SCD5: variants seen among roughly 807,000 people sequenced by gnomAD.
SCD5 encodes the protein acyl-CoA-desaturase 4.
In SCD5, 20 loss-of-function variants were observed where a neutral mutation model predicts 30.4. The observed-to-expected ratio is 0.66, with a 90% CI of 0.46 to 0.96. The LOEUF (loss-of-function observed/expected upper bound fraction) is 0.96. Ranked by LOEUF, SCD5 falls within the 40% of genes least tolerant of loss-of-function variation. The pLI is 0.00. For missense variants in SCD5, 381 were observed against 443.3 expected, an observed-to-expected ratio of 0.86 and a Z score of 1.26; for synonymous variants, 173 against 176.4, an observed-to-expected ratio of 0.98 and a Z score of 0.16.
chr4:82,721,909 T>C (rs1359283202), intron 1 of SCD5, among the ~76,000 whole-genome samples: 1 of 152,230 alleles, frequency 6.6e-6, no homozygotes, highest in Non-Finnish European at 1.5e-5. Context: ...GAAAATAGAA[T>C]CTTACAACGG....
chr4:82,721,376 T>C (rs1460547459), intron 1 of SCD5, among the ~76,000 whole-genome samples: 3 of 152,110 alleles, frequency 2.0e-5, no homozygotes, highest in African/African-American at 7.2e-5. Flanking sequence ...CAGAATCTGT[T>C]TCACAGAAAC....
intron 3 of SCD5, among the ~76,000 whole-genome samples, chr4:82,664,055 C>T (rs1728107428): frequency 6.6e-6 from 1 of 152,168 alleles, no homozygotes; most frequent in Non-Finnish European, 1.5e-5. Flanking sequence ...ACACAAACAA[C>T]AGAAGTCCAC....
intron 1 of SCD5, among the ~76,000 whole-genome samples, chr4:82,715,882 T>C (rs191204205): frequency 1.5e-4 from 23 of 151,918 alleles, no homozygotes; most frequent in African/African-American, 3.9e-4. Context: ...ACTAAGGCTG[T>C]TCTGCTTCCA....
chr4:82,661,341 A>G (rs1728002705), intron 3 of SCD5, among the ~76,000 whole-genome samples: 1 of 152,238 alleles, frequency 6.6e-6, no homozygotes, highest in South Asian at 2.1e-4. Flanking sequence ...ATTCTGGGTA[A>G]TGGAACAGCT....
chr4:82,745,459 C>T (rs899984350), intron 1 of SCD5, among the ~76,000 whole-genome samples: 1 of 152,228 alleles, frequency 6.6e-6, no homozygotes, highest in Non-Finnish European at 1.5e-5. Context: ...CAAAGGCAGG[C>T]TGATGTGTCC....
chr4:82,733,926 G>A (rs1422584859), intron 1 of SCD5, among the ~76,000 whole-genome samples: 3 of 152,182 alleles, frequency 2.0e-5, no homozygotes, highest in Non-Finnish European at 4.4e-5. Flanking sequence ...AGGCAAATCA[G>A]GGTGAGACCT....
At chr4:82,632,520 A>G (rs1314853319) in intron 4 of SCD5, among the ~76,000 whole-genome samples, 3 of 152,188 alleles carry the variant, frequency 2.0e-5, no homozygotes, top group African/African-American at 7.2e-5. Context: ...TCTTTATAGT[A>G]GCATGATTTA....
chr4:82,633,541 T>C (rs186188856), intron 4 of SCD5, among the ~76,000 whole-genome samples: 1 of 152,350 alleles, frequency 6.6e-6, no homozygotes, highest in East Asian at 1.9e-4. Flanking sequence ...ATTTTTAATT[T>C]TTTTGAGCAA....
At chr4:82,759,648 TAAAAAA>T (rs70938309) in intron 1 of SCD5, among the ~76,000 whole-genome samples, 4 of 125,580 alleles carry the variant, frequency 3.2e-5, no homozygotes, top group Non-Finnish European at 5.0e-5. Flanking sequence ...AACCCCGTCT[TAAAAAA>T]AAAAAAAAAA....
At chr4:82,702,030 T>C (rs989324385) in intron 2 of SCD5, among the ~76,000 whole-genome samples, 2 of 150,836 alleles carry the variant, frequency 1.3e-5, no homozygotes, top group Admixed American at 6.6e-5. Flanking sequence ...GGATAGACCA[T>C]AGAGGAACTC....
At chr4:82,678,633 T>C (rs1728486895) in intron 3 of SCD5, among the ~76,000 whole-genome samples, 1 of 152,230 alleles carries the variant, frequency 6.6e-6, no homozygotes, top group South Asian at 2.1e-4. Context: ...GCTCAACTGA[T>C]GGAATCTTCT....
At chr4:82,636,051 C>A (rs1727422305) in intron 4 of SCD5, among the ~76,000 whole-genome samples, 1 of 152,234 alleles carries the variant, frequency 6.6e-6, no homozygotes, top group Admixed American at 6.5e-5. Flanking sequence ...TTACTGATCA[C>A]CTACTACGTG....
At chr4:82,661,224 T>C (rs919417567) in intron 3 of SCD5, 1 of 709,580 alleles carries the variant, frequency 1.4e-6, no homozygotes, top group Admixed American at 2.4e-5. Context: ...CTCAATAGGA[T>C]ATAACATGGT....
chr4:82,704,769 G>GT (rs1222141234), intron 2 of SCD5, among the ~76,000 whole-genome samples: 1 of 152,204 alleles, frequency 6.6e-6, no homozygotes, highest in Non-Finnish European at 1.5e-5. Flanking sequence ...ACTAGGTGTT[G>GT]TAAGAGCAAT....
chr4:82,663,996 C>T (rs931551238), intron 3 of SCD5, among the ~76,000 whole-genome samples: 2 of 152,120 alleles, frequency 1.3e-5, no homozygotes, highest in African/African-American at 4.8e-5. Context: ...TGATACTGGA[C>T]CAGAACAATG....
chr4:82,771,539 G>A (rs1721623032), intron 1 of SCD5, among the ~76,000 whole-genome samples: 1 of 152,194 alleles, frequency 6.6e-6, no homozygotes, highest in African/African-American at 2.4e-5. Flanking sequence ...TACAGTTACT[G>A]TATTCTTGCA....
intron 3 of SCD5, among the ~76,000 whole-genome samples, chr4:82,641,038 T>C (rs943080860): frequency 3.9e-5 from 6 of 151,986 alleles, no homozygotes; most frequent in Admixed American, 3.9e-4. Context: ...TTCTCTTCTG[T>C]AAAATGCTGT....
intron 1 of SCD5, among the ~76,000 whole-genome samples, chr4:82,745,630 A>G (rs1720966376): frequency 6.6e-6 from 1 of 152,202 alleles, no homozygotes; most frequent in Non-Finnish European, 1.5e-5. Context: ...ACCAGCACCC[A>G]TTAGCTATTC....
In SCD5 at chr4:82,716,589, G is replaced by T. The variant is rs57620300; in HGVS notation, c.233-11176C>A. On this transcript the variant is annotated intron_variant, in intron 1 of 4. Transcript: ENST00000319540. Reference sequence around the variant, plus strand: ...AGCACTTTGGGAGGCCGAGGTGGGCGGATCACTTGAGGTCAGGAGTTCGAG... The same window carrying T: ...AGCACTTTGGGAGGCCGAGGTGGGCTGATCACTTGAGGTCAGGAGTTCGAG... Among the ~76,000 whole-genome samples the T allele has an allele frequency of 2.0e-5, 3 of 151,770 alleles. No homozygotes were observed. The East Asian group carries it at 5.8e-4, about 29-fold the overall frequency.
Sources: gnomAD v4.1 joint callset for allele counts (sites outside exome capture counted in the v4.1 genomes callset) on GRCh38, gnomAD v4.1.1 for gene constraint, MANE v1.5 for transcripts, NCBI Gene and HGNC (gene_info 2026-07-23, HGNC 2026-07-21) for gene names.